The following INPP5F variants were observed in gnomAD, a reference collection of about 807,000 sequenced individuals.
INPP5F encodes the protein inositol polyphosphate-5-phosphatase F, also known as phosphatidylinositide 4-phosphatase SAC2.
INPP5F carries 97 observed loss-of-function variants against 137.2 expected under a neutral mutation model. The observed-to-expected ratio is 0.71, with a 90% CI of 0.60 to 0.84. INPP5F has a LOEUF of 0.84. Ranked by LOEUF, INPP5F falls within the 40% of genes least tolerant of loss-of-function variation. The pLI, the probability that INPP5F is intolerant of heterozygous loss-of-function variation, is 0.00. For missense variants in INPP5F, 1,271 were observed against 1,371.9 expected, an observed-to-expected ratio of 0.93 and a Z score of 1.16; for synonymous variants, 504 against 476.9, an observed-to-expected ratio of 1.06 and a Z score of -0.74.
intron 14 of INPP5F, among the ~76,000 whole-genome samples, chr10:119,811,296 C>T (rs970431342): frequency 6.6e-6 from 1 of 152,094 alleles, no homozygotes; most frequent in Non-Finnish European, 1.5e-5. Context: ...GTGTCATTGT[C>T]CCATGAGACA....
intron 15 of INPP5F, among the ~76,000 whole-genome samples, chr10:119,817,042 G>A (rs540873789): frequency 2.0e-5 from 3 of 152,108 alleles, no homozygotes; most frequent in South Asian, 4.1e-4. Flanking sequence ...AATCTACTTC[G>A]TCTCTGCATT....
At chr10:119,773,756 G>A (rs1047575313) in intron 2 of INPP5F, among the ~76,000 whole-genome samples, 1 of 152,128 alleles carries the variant, frequency 6.6e-6, no homozygotes, top group African/African-American at 2.4e-5. Flanking sequence ...CTGGAGTACA[G>A]TGATGGAATC....
At chr10:119,753,482 G>A (rs1157225439) in intron 2 of INPP5F, among the ~76,000 whole-genome samples, 1 of 152,146 alleles carries the variant, frequency 6.6e-6, no homozygotes, top group Non-Finnish European at 1.5e-5. Context: ...GTGTTGGCTG[G>A]GGTCATTCAC....
chr10:119,791,561 C>A lies in INPP5F; in HGVS notation c.360C>A (p.Ile120=). 1 of 1,600,706 alleles carries A rather than the reference C, an allele frequency of 6.2e-7. No individual in the cohort carries two copies. Among genetic ancestry groups the A allele is most frequent in the Non-Finnish European group, 8.6e-7 (1 of 1,168,682 alleles). ...HHFGINKPEK[I]IPSPDDSKFL... ...TTGGTATTAACAAACCAGAGAAGAT[C>A]ATACCATCTCCTGATGACTCAAAGT... Residue 120 remains isoleucine (I), a synonymous_variant, in exon 4 of 20, where the codon ATC becomes ATA. Transcript: ENST00000650623.
At chr10:119,797,309 T>C in intron 7 of INPP5F, 152 bp from the exon 8 acceptor site, 4 of 640,660 alleles carry the variant, frequency 6.2e-6, no homozygotes, top group Non-Finnish European at 1.1e-5. Context: ...ACAGTTACGA[T>C]TTTGGGTAAG....
chr10:119,791,175 T>A (rs1311728190), intron 3 of INPP5F, among the ~76,000 whole-genome samples: 1 of 152,228 alleles, frequency 6.6e-6, no homozygotes, highest in African/African-American at 2.4e-5. Flanking sequence ...TTGCAATTTT[T>A]AAATTCTTAG....
Position 119,828,688 on chromosome 10 carries a change from GTC to G in INPP5F, c.*912_*913del, listed in dbSNP as rs2134318247. The G allele has an allele frequency of 6.6e-6, 1 of 152,372 alleles. No individual in the cohort carries two copies. Among genetic ancestry groups the G allele is most frequent in the South Asian group, 2.1e-4 (1 of 4,830 alleles). The allele number at this position is 152,372 out of a possible 1,614,324, so 9.4% of individuals were successfully genotyped here. A position where few individuals can be genotyped will look rare whatever the true frequency, so the allele number is the denominator to read the frequency against. ...TTTGAGACCAGCCTGGGAAACATCT[GTC>G]TCTACAAAAAAATACAAAAATTAGC... On this transcript the variant is annotated 3_prime_UTR_variant, in exon 20 of 20. Transcript: ENST00000650623.
chr10:119,778,589 T>C lies in INPP5F; in HGVS notation c.179-3046T>C, dbSNP rs547830362. Among the ~76,000 whole-genome samples, 109 of 152,282 alleles carry C rather than the reference T, an allele frequency of 7.2e-4. 1 individual carries two copies. The highest frequency in any genetic ancestry group is 2.4e-3 in the African/African-American group (101 of 41,524). On this transcript the variant is annotated intron_variant, in intron 2 of 19. Coordinates refer to ENST00000650623, the MANE Select transcript of INPP5F (RefSeq NM_014937.4). ...GTGTTTATTAAAGGTTTCTTTAGGT[T>C]GTTTTGCCATTTTCCCTCCATTCTC...
At chr10:119,820,818 C>G (rs751794466) in intron 15 of INPP5F, 28 bp from the exon 16 acceptor site, 1 of 1,547,206 alleles carries the variant, frequency 6.5e-7, no homozygotes, top group Admixed American at 1.7e-5. Context: ...AATGAAAATA[C>G]TTAATCTCCT....
chr10:119,808,204 C>A, intron 13 of INPP5F, 144 bp downstream of exon 13: 1 of 951,306 alleles, frequency 1.1e-6, no homozygotes, highest in Non-Finnish European at 1.5e-6. Context: ...AAGGCAGGGC[C>A]AGGTAATGTG....
At chr10:119,737,943 A>G (rs566829359) in intron 1 of INPP5F, among the ~76,000 whole-genome samples, 14 of 152,196 alleles carry the variant, frequency 9.2e-5, no homozygotes, top group African/African-American at 3.4e-4. Flanking sequence ...TATAGGCTTC[A>G]GCAGCTGTGC....
At position 119,748,181 on chromosome 10, in the gene INPP5F, G is replaced by T. The variant is rs1848593899; in HGVS notation, c.98-2895G>T. Among the ~76,000 whole-genome samples, 1 of 152,228 alleles carries T rather than the reference G, an allele frequency of 6.6e-6. No homozygotes were observed. On this transcript the variant is annotated intron_variant, in intron 1 of 19. Transcript: ENST00000650623. This position sits in a 1 kb window ranked among gnomAD's most constrained non-coding sequence, Gnocchi z 4.7. ...AGGTGTGCCAGCCGTGGCAGGGCAG[G>T]CAGCTCCAGGCACCGGTACAGGCAC...
At chr10:119,781,540 T>C in intron 2 of INPP5F, 95 bp from the exon 3 acceptor site, 1 of 1,103,514 alleles carries the variant, frequency 9.1e-7, no homozygotes, top group Non-Finnish European at 1.2e-6. Context: ...TGCACACTTT[T>C]TTTTTTGTTA....
chr10:119,752,140 G>A (rs982770471), intron 2 of INPP5F, among the ~76,000 whole-genome samples: 2 of 152,162 alleles, frequency 1.3e-5, no homozygotes, highest in African/African-American at 4.8e-5. Context: ...CGTATATCTG[G>A]AAAATCTAAT....
intron 1 of INPP5F, among the ~76,000 whole-genome samples, chr10:119,730,657 A>G (rs1261927100): frequency 6.6e-6 from 1 of 152,224 alleles, no homozygotes; most frequent in Non-Finnish European, 1.5e-5. Context: ...TGTGTAAATT[A>G]TATAATAATT....
intron 1 of INPP5F, among the ~76,000 whole-genome samples, chr10:119,739,393 G>A (rs1425400516): frequency 6.6e-6 from 1 of 152,004 alleles, no homozygotes; most frequent in African/African-American, 2.4e-5. Flanking sequence ...GATATTTTGG[G>A]GCTAACTTCA....
chr10:119,738,405 G>A (rs1218996671), intron 1 of INPP5F, among the ~76,000 whole-genome samples: 1 of 152,098 alleles, frequency 6.6e-6, no homozygotes, highest in Admixed American at 6.6e-5. Flanking sequence ...ACATTTGTTG[G>A]ATTAGATCAG....
At chr10:119,795,036 C>A (rs1367039696) in intron 6 of INPP5F, among the ~76,000 whole-genome samples, 1 of 140,342 alleles carries the variant, frequency 7.1e-6, no homozygotes, top group Non-Finnish European at 1.6e-5. Context: ...GCTGACCCCC[C>A]CACCTCCCTC....
intron 9 of INPP5F, among the ~76,000 whole-genome samples, chr10:119,802,872 C>CT (rs1589732975): frequency 6.6e-6 from 1 of 152,250 alleles, no homozygotes; most frequent in East Asian, 1.9e-4. Context: ...CCAGTGCGGT[C>CT]TGTGTTTAGT....
Sources: allele counts gnomAD v4.1 joint callset (sites outside exome capture counted in the v4.1 genomes callset), GRCh38; gene constraint gnomAD v4.1.1; non-coding constraint Gnocchi (gnomAD v3.1); transcripts MANE v1.5; gene names NCBI Gene and HGNC (gene_info 2026-07-23, HGNC 2026-07-21).